Variants in SCG3 observed in about 807,000 individuals in gnomAD.
SCG3 encodes secretogranin-3.
A neutral mutation model predicts 56.2 loss-of-function variants in SCG3; 38 were observed. The ratio of observed to expected loss-of-function variants is 0.68; its 90% CI spans 0.52 to 0.89. The LOEUF (loss-of-function observed/expected upper bound fraction) is 0.89, where lower values mean the gene tolerates loss of function less well. Among genes scored for constraint, SCG3 ranks in the 40% least tolerant of loss-of-function variants. The pLI is 0.00. For missense variants in SCG3, 524 were observed against 540.7 expected (o/e 0.97, Z 0.31); for synonymous variants, 176 against 184.2 (o/e 0.96, Z 0.36).
chr15:51,695,078 GTTAC>G, intron 7 of SCG3, among the ~76,000 whole-genome samples: 1 of 151,232 alleles, frequency 6.6e-6, no homozygotes, highest in South Asian at 2.1e-4. Context: ...GCTAGTAATC[GTTAC>G]TTAAAGGGAG....
At chr15:51,690,484 G>A (rs943606806) in intron 6 of SCG3, among the ~76,000 whole-genome samples, 1 of 151,126 alleles carries the variant, frequency 6.6e-6, no homozygotes, top group Non-Finnish European at 1.5e-5. Flanking sequence ...TGATGGTTCT[G>A]TTTTAGAGAG....
chr15:51,693,895 T>C (rs1013956477), intron 7 of SCG3: 2 of 152,216 alleles, frequency 1.3e-5, no homozygotes, highest in Non-Finnish European at 2.9e-5. Flanking sequence ...TTCTCATCAG[T>C]GAAGAGCAGC....
intron 10 of SCG3, among the ~76,000 whole-genome samples, chr15:51,707,671 A>C (rs772736683): frequency 2.6e-5 from 4 of 152,182 alleles, no homozygotes; most frequent in Non-Finnish European, 4.4e-5. Flanking sequence ...CCTTGAACCC[A>C]TGTTTTCTGA....
At position 51,681,837 on chromosome 15, in the gene SCG3, G is replaced by T; in HGVS notation, c.82G>T (p.Asp28Tyr). The T allele has an allele frequency of 6.2e-7, 1 of 1,613,156 alleles. No individual in the cohort carries two copies. The part of the protein sequence containing the change: ...QAFPKPGGSQ[D>Y]KSLHNRELSA... ...TTTCCCCAAACCTGGAGGAAGCCAA[G>T]GTATGTGAACACTTTTCTTCTTCCT... is the stretch of plus-strand genomic sequence containing the variant. The change falls in exon 1 of 12, where the codon GAC becomes TAC. Residue 28 changes from aspartate (D) to tyrosine (Y), a missense_variant and splice_region_variant. Physicochemically the swap from Asp to Tyr is radical, Grantham distance 160. Transcript: ENST00000220478.
At chr15:51,683,899 C>T (rs1220734294) in intron 4 of SCG3, among the ~76,000 whole-genome samples, 1 of 152,176 alleles carries the variant, frequency 6.6e-6, no homozygotes, top group South Asian at 2.1e-4. Flanking sequence ...ACATCTATAT[C>T]CTAACATCCC....
At chr15:51,709,678 TATATATATATATATATATATATA>T (rs1290408715) in intron 10 of SCG3, among the ~76,000 whole-genome samples, 1 of 12,106 alleles carries the variant, frequency 8.3e-5, no homozygotes, top group East Asian at 1.6e-3. Flanking sequence ...TATATATATA[TATATATATATATATATATATATA>T]TTTTTTTTTT....
chr15:51,709,816 G>T (rs1444278932), intron 10 of SCG3, among the ~76,000 whole-genome samples: 1 of 136,452 alleles, frequency 7.3e-6, no homozygotes, highest in Non-Finnish European at 1.5e-5. Context: ...CGCCTCCCGG[G>T]TTCATGCTAT....
chr15:51,693,089 C>T (rs1473979301), intron 7 of SCG3: 1 of 152,132 alleles, frequency 6.6e-6, no homozygotes, highest in Non-Finnish European at 1.5e-5. Flanking sequence ...CTCTCTTCTT[C>T]GATGAGTTTG....
chr15:51,704,764 C>CATATATATATATATATATATAT lies in SCG3; in HGVS notation c.1207+3530_1207+3551dup, dbSNP rs56192434. ...TACCTTTTGGCTGTTGTGAGTAATA[C>CATATATATATATATATATATAT]ATATATATATATATATATATATATA... On this transcript the variant is annotated intron_variant, in intron 10 of 11. Transcript: ENST00000220478. Among the ~76,000 whole-genome samples, 509 of 66,894 alleles carry CATATATATATATATATATATAT rather than the reference C, an allele frequency of 7.6e-3. 61 individuals carry two copies. The highest frequency in any genetic ancestry group is 0.012 in the Non-Finnish European group (356 of 28,504). 43.9% of individuals were successfully genotyped at this position (66,894 alleles called of 152,430 possible). A position where few individuals can be genotyped will look rare whatever the true frequency, so the allele number is the denominator to read the frequency against.
chr15:51,681,723 C>A lies in SCG3; in HGVS notation c.-33C>A, dbSNP rs758175839. On this transcript the variant is annotated 5_prime_UTR_variant, in exon 1 of 12. Transcript: ENST00000220478. ...AAAAGCTACAGCTCCAGGAGCCCAG[C>A]GCCGGGCTGTGACCCAAGCCGAGCG... is the stretch of plus-strand genomic sequence containing the variant. 14 of 1,576,918 alleles carry A rather than the reference C, an allele frequency of 8.9e-6. No homozygotes were observed. In the African/African-American group the frequency reaches 1.5e-4, roughly 17 times the overall value.
At chr15:51,695,854 T>G in intron 7 of SCG3, 21 bp from the exon 8 acceptor site, 1 of 1,312,418 alleles carries the variant, frequency 7.6e-7, no homozygotes, top group Non-Finnish European at 1.1e-6. Flanking sequence ...CAGTTTTAAG[T>G]TATTTTGTTC....
chr15:51,683,212 C>A lies in SCG3; in HGVS notation c.182-7C>A, dbSNP rs1567215024. ...TGGCTGTGTTGGGTTTGGGGCTATT[C>A]TTCCAGAAAACAAGCCAGGTCAGAG... On this transcript the variant is annotated splice_region_variant and splice_polypyrimidine_tract_variant and intron_variant, in intron 3 of 11. Coordinates refer to ENST00000220478, the MANE Select transcript of SCG3 (RefSeq NM_013243.4). The A allele has an allele frequency of 1.2e-6, 2 of 1,611,720 alleles. No individual in the cohort carries two copies. Among genetic ancestry groups the A allele is most frequent in the South Asian group, 1.1e-5 (1 of 90,762 alleles).
chr15:51,700,375 T>C (rs2055331251), intron 9 of SCG3, among the ~76,000 whole-genome samples: 1 of 152,252 alleles, frequency 6.6e-6, no homozygotes, highest in Non-Finnish European at 1.5e-5. Flanking sequence ...CCAAATATTT[T>C]ATTGGCTACA....
At chr15:51,708,897 C>T (rs865826411) in intron 10 of SCG3, among the ~76,000 whole-genome samples, 1 of 152,024 alleles carries the variant, frequency 6.6e-6, no homozygotes, top group African/African-American at 2.4e-5. Context: ...AGCCAGTTTA[C>T]CAACAAGAGC....
intron 10 of SCG3, among the ~76,000 whole-genome samples, chr15:51,709,725 T>TTGA (rs1177215779): frequency 1.8e-5 from 1 of 57,008 alleles, no homozygotes; most frequent in Non-Finnish European, 3.4e-5. Flanking sequence ...TTTTTTTTTT[T>TTGA]TTTTTTTTTT....
rs111419312 is a variant in SCG3 at position 51,692,317 on chromosome 15, A to G, written c.849A>G (p.Leu283=). 3,190 of 1,613,636 alleles carry G rather than the reference A, an allele frequency of 2.0e-3. 50 individuals are homozygous for G. The African/African-American group carries it at 0.037, about 19-fold the overall frequency. The change falls in exon 7 of 12, where the codon CTA becomes CTG. Residue 283 remains leucine, a synonymous_variant. Coordinates refer to ENST00000220478, the MANE Select transcript of SCG3 (RefSeq NM_013243.4). Reference sequence around the variant, plus strand: ...AATATTTCCCAAATTTCTATGCGCTACTGAAAAGTATTGATTCAGGTAACC... The same window carrying G: ...AATATTTCCCAAATTTCTATGCGCTGCTGAAAAGTATTGATTCAGGTAACC... ...ELQYFPNFYA[L]LKSIDSEKEA...
At chr15:51,702,113 T>G (rs1008289671) in intron 10 of SCG3, among the ~76,000 whole-genome samples, 1 of 152,192 alleles carries the variant, frequency 6.6e-6, no homozygotes, top group Non-Finnish European at 1.5e-5. Context: ...CAAAGCAAAA[T>G]TTTAAAATGA....
chr15:51,713,270 T>C, intron 10 of SCG3, 63 bp from the exon 11 acceptor site: 1 of 1,082,470 alleles, frequency 9.2e-7, no homozygotes, highest in Non-Finnish European at 1.4e-6. Context: ...ATACGTGTGG[T>C]CTTTAAAATG....
chr15:51,684,308 C>T (rs901963387), intron 4 of SCG3, among the ~76,000 whole-genome samples: 1 of 152,200 alleles, frequency 6.6e-6, no homozygotes, highest in African/African-American at 2.4e-5. Context: ...AACCACTCCG[C>T]CTCTCCCCAA....
Sources: allele counts gnomAD v4.1 joint callset (sites outside exome capture counted in the v4.1 genomes callset), GRCh38; gene constraint gnomAD v4.1.1; transcripts MANE v1.5; gene names NCBI Gene and HGNC (gene_info 2026-07-23, HGNC 2026-07-21).